TENM2: variants seen among roughly 807,000 people sequenced by gnomAD.
TENM2 encodes teneurin-2.
Under a neutral mutation model 245.2 loss-of-function variants are expected in TENM2, and 52 were observed. That is an observed-to-expected ratio of 0.21 (90% CI 0.17 to 0.27). The LOEUF (loss-of-function observed/expected upper bound fraction) is 0.27, where lower values mean the gene tolerates loss of function less well. Ranked by LOEUF, TENM2 falls within the 10% of genes least tolerant of loss-of-function variation. TENM2 has a pLI of 1.00. For synonymous variants in TENM2, 1,363 were observed against 1,438.9 expected (o/e 0.95, Z 1.19); for missense variants, 3,046 against 3,666.8 (o/e 0.83, Z 4.37).
chr5:167,894,977 GGAAGGAAGGAAGGAGGGAA>G (rs1561906770), intron 3 of TENM2, among the ~76,000 whole-genome samples: 4 of 134,904 alleles, frequency 3.0e-5, no homozygotes, highest in African/African-American at 5.4e-5. Context: ...AAGGAAGGAA[GGAAGGAAGGAAGGAGGGAA>G]GGAAGGAAGG....
At chr5:167,228,846 A>T in the TENM2 span, among the ~76,000 whole-genome samples, 1 of 152,028 alleles carries the variant, frequency 6.6e-6, no homozygotes, top group Non-Finnish European at 1.5e-5. Context: ...CTGGGACTAC[A>T]GGTACCCGCC....
chr5:168,217,166 GAC>G, intron 22 of TENM2, among the ~76,000 whole-genome samples: 1 of 152,294 alleles, frequency 6.6e-6, no homozygotes, highest in Admixed American at 6.5e-5. Context: ...TGGAACTGGT[GAC>G]ACACTCCAGC....
intron 2 of TENM2, chr5:167,653,681 G>A (rs1754634032): frequency 6.6e-6 from 1 of 152,156 alleles, no homozygotes; most frequent in African/African-American, 2.4e-5. Flanking sequence ...AGCAGTTTGA[G>A]TGAGGATTGA....
intron 3 of TENM2, among the ~76,000 whole-genome samples, chr5:167,914,919 A>G (rs1340990920): frequency 6.6e-6 from 1 of 152,164 alleles, no homozygotes; most frequent in Non-Finnish European, 1.5e-5. Flanking sequence ...TTGCTCAGGT[A>G]TGACTTTATC....
rs539940321 is a variant in TENM2, at chr5:168,225,708, C to T, written c.5109-380C>T. Among the ~76,000 whole-genome samples the T allele has an allele frequency of 1.5e-4, 22 of 145,960 alleles. No homozygotes were observed. In the East Asian group the frequency reaches 2.0e-3, roughly 13 times the overall value. Reference sequence around the variant, plus strand: ...CCCAGGAGGTGGAGGTTGCAGTGAGCGGAGATTGTGCCACTGCACTCCAGC... The same window carrying T: ...CCCAGGAGGTGGAGGTTGCAGTGAGTGGAGATTGTGCCACTGCACTCCAGC... On this transcript the variant is annotated intron_variant, in intron 23 of 28. Coordinates refer to ENST00000518659, the Ensembl canonical transcript of TENM2.
chr5:167,827,505 G>A (rs1561826844), intron 2 of TENM2, among the ~76,000 whole-genome samples: 1 of 151,690 alleles, frequency 6.6e-6, no homozygotes, highest in Non-Finnish European at 1.5e-5. Context: ...AGGAATTAAT[G>A]CAGTATTTTT....
At chr5:168,192,404 C>A (rs1761041367) in intron 14 of TENM2, among the ~76,000 whole-genome samples, 2 of 152,176 alleles carry the variant, frequency 1.3e-5, no homozygotes, top group African/African-American at 4.8e-5. Flanking sequence ...CAAAACTTTA[C>A]CAGTCCCAGT....
chr5:167,063,186 G>A, the TENM2 span, among the ~76,000 whole-genome samples: 29 of 152,098 alleles, frequency 1.9e-4, no homozygotes, highest in Non-Finnish European at 3.2e-4. Context: ...TGTTTCTGGA[G>A]CCACGTGTTG....
At chr5:167,815,117 T>G (rs1462483768) in intron 2 of TENM2, among the ~76,000 whole-genome samples, 2 of 152,186 alleles carry the variant, frequency 1.3e-5, no homozygotes, top group African/African-American at 4.8e-5. Context: ...TCTTTGTGGT[T>G]TTAAGCAGAA....
At chr5:167,041,010 A>G in the TENM2 span, among the ~76,000 whole-genome samples, 2 of 152,192 alleles carry the variant, frequency 1.3e-5, no homozygotes, top group Non-Finnish European at 2.9e-5. Flanking sequence ...CTAGATACCA[A>G]TAAGGTTCAT....
At chr5:168,238,958 A>C (rs893069722) in intron 25 of TENM2, among the ~76,000 whole-genome samples, 1 of 152,216 alleles carries the variant, frequency 6.6e-6, no homozygotes, top group Non-Finnish European at 1.5e-5. Flanking sequence ...CCGACTGGGA[A>C]GGGAATCGTG....
At chr5:168,227,208 A>G (rs1764277772) in intron 24 of TENM2, among the ~76,000 whole-genome samples, 1 of 152,226 alleles carries the variant, frequency 6.6e-6, no homozygotes, top group Non-Finnish European at 1.5e-5. Context: ...TTTTCGGTAA[A>G]GGAAAAGGTC....
At chr5:167,414,066 A>G (rs1763043221) in intron 2 of TENM2, among the ~76,000 whole-genome samples, 1 of 152,146 alleles carries the variant, frequency 6.6e-6, no homozygotes, top group African/African-American at 2.4e-5. Context: ...GTCACATTGG[A>G]TGGACATTTT....
rs557481621 is a variant in TENM2, at chr5:168,188,281, C to T, written c.2570-2056C>T. On this transcript the variant is annotated intron_variant, in intron 13 of 28. Transcript: ENST00000518659. ...TCCAGTACAAGTGTTTGTCAAGGCA[C>T]AGCCCAGGGTTTGAGTGCGTGTTTC... Among the ~76,000 whole-genome samples the T allele has an allele frequency of 1.1e-4, 16 of 152,320 alleles. No individual in the cohort carries two copies. The East Asian group carries it at 3.1e-3, about 29-fold the overall frequency.
intron 2 of TENM2, among the ~76,000 whole-genome samples, chr5:167,811,563 C>T (rs574636229): frequency 1.3e-5 from 2 of 152,216 alleles, no homozygotes; most frequent in African/African-American, 4.8e-5. Flanking sequence ...ATTACCCAGT[C>T]TCAGGAATTT....
the TENM2 span, among the ~76,000 whole-genome samples, chr5:167,258,627 G>A: frequency 1.3e-5 from 2 of 151,984 alleles, no homozygotes; most frequent in South Asian, 4.2e-4. Flanking sequence ...TGAAAGATAG[G>A]GTCTCCCTTT....
chr5:167,576,967 G>T (rs1774736955), intron 2 of TENM2, among the ~76,000 whole-genome samples: 2 of 152,180 alleles, frequency 1.3e-5, no homozygotes, highest in Admixed American at 6.5e-5. Flanking sequence ...GATATTAAGT[G>T]TCAGATTTCC....
intron 3 of TENM2, among the ~76,000 whole-genome samples, chr5:167,923,560 G>A (rs1432079563): frequency 6.6e-6 from 1 of 152,120 alleles, no homozygotes; most frequent in African/African-American, 2.4e-5. Flanking sequence ...TGTCCCCAGG[G>A]GATAGGTTGT....
intron 4 of TENM2, among the ~76,000 whole-genome samples, chr5:167,970,015 C>T (rs183772316): frequency 1.6e-4 from 25 of 152,342 alleles, no homozygotes; most frequent in Admixed American, 1.4e-3. Context: ...CAGACCAACT[C>T]AGGCCACATT....
Sources: gnomAD v4.1 joint callset for allele counts (sites outside exome capture counted in the v4.1 genomes callset) on GRCh38, gnomAD v4.1.1 for gene constraint, MANE v1.5 for transcripts, NCBI Gene and HGNC (gene_info 2026-07-23, HGNC 2026-07-21) for gene names.